LUZP2: variants seen among roughly 807,000 people sequenced by gnomAD.
LUZP2 encodes leucine zipper protein 2.
A neutral mutation model predicts 51.6 loss-of-function variants in LUZP2; 52 were observed. The ratio of observed to expected loss-of-function variants is 1.01; its 90% CI spans 0.81 to 1.27. The LOEUF is 1.27. LUZP2 is among the 50% of genes most tolerant of loss of function. LUZP2 has a pLI of 0.00. For synonymous variants in LUZP2, 154 were observed against 137.3 expected, an observed-to-expected ratio of 1.12 and a Z score of -0.85; for missense variants, 436 against 395.4, an observed-to-expected ratio of 1.10 and a Z score of -0.87.
intron 5 of LUZP2, among the ~76,000 whole-genome samples, chr11:24,868,388 T>C (rs1179131942): frequency 1.3e-5 from 2 of 152,142 alleles, no homozygotes; most frequent in East Asian, 3.9e-4. Flanking sequence ...TTGTCACCTC[T>C]CTAAAATAAT....
intron 7 of LUZP2, among the ~76,000 whole-genome samples, chr11:24,936,146 A>T (rs919250157): frequency 6.6e-6 from 1 of 152,216 alleles, no homozygotes; most frequent in Non-Finnish European, 1.5e-5. Context: ...GACACAGTTC[A>T]GAACAATTTT....
intron 5 of LUZP2, among the ~76,000 whole-genome samples, chr11:24,897,429 C>T (rs964523566): frequency 6.6e-6 from 1 of 152,156 alleles, no homozygotes; most frequent in Non-Finnish European, 1.5e-5. Context: ...CGAAGGTCCA[C>T]AGCTTAACTT....
At chr11:24,821,889 A>T (rs1029074916) in intron 5 of LUZP2, among the ~76,000 whole-genome samples, 2 of 150,198 alleles carry the variant, frequency 1.3e-5, no homozygotes, top group African/African-American at 4.9e-5. Context: ...ATATATATAT[A>T]TTTAAAAGCT....
chr11:24,920,622 G>A (rs1854017900), intron 7 of LUZP2, among the ~76,000 whole-genome samples: 1 of 151,846 alleles, frequency 6.6e-6, no homozygotes, highest in Non-Finnish European at 1.5e-5. Context: ...ATAAAATCAT[G>A]TCTTTTGCAG....
intron 8 of LUZP2, among the ~76,000 whole-genome samples, chr11:24,979,608 A>C (rs535729925): frequency 6.6e-6 from 1 of 152,010 alleles, no homozygotes. Flanking sequence ...GTATCTCAGT[A>C]TAAACAATAA....
chr11:24,875,362 T>C (rs1215476832), intron 5 of LUZP2, among the ~76,000 whole-genome samples: 25 of 149,718 alleles, frequency 1.7e-4, no homozygotes, highest in South Asian at 4.3e-4. Context: ...GTTTGGTTTT[T>C]TGTTCTTGCA....
intron 5 of LUZP2, among the ~76,000 whole-genome samples, chr11:24,856,947 G>A (rs1851585213): frequency 6.6e-6 from 1 of 151,952 alleles, no homozygotes; most frequent in South Asian, 2.1e-4. Flanking sequence ...GGGTGGGAGG[G>A]TGAGAAGGGG....
intron 4 of LUZP2, among the ~76,000 whole-genome samples, chr11:24,746,920 G>A (rs970703960): frequency 1.3e-5 from 2 of 151,970 alleles, no homozygotes; most frequent in Admixed American, 1.3e-4. Context: ...TTTTTCTTTG[G>A]CTATCTATTT....
chr11:25,078,667 A>C lies in LUZP2; in HGVS notation c.*9A>C. ...AAGAAAAAATACTGTAAATACTAAG[A>C]AACTGTGTTAAAAACGTCCATTTGC... On this transcript the variant is annotated 3_prime_UTR_variant, in exon 12 of 12. Coordinates refer to ENST00000336930, the MANE Select transcript of LUZP2 (RefSeq NM_001009909.4). The C allele has an allele frequency of 6.3e-7, 1 of 1,578,002 alleles. No homozygotes were observed. Among genetic ancestry groups the C allele is most frequent in the Non-Finnish European group, 8.6e-7 (1 of 1,157,274 alleles).
At chr11:24,858,757 T>C (rs1851644282) in intron 5 of LUZP2, among the ~76,000 whole-genome samples, 1 of 152,104 alleles carries the variant, frequency 6.6e-6, no homozygotes, top group Non-Finnish European at 1.5e-5. Flanking sequence ...GAGCTGGCAC[T>C]ATTTGAAGAA....
chr11:24,994,196 A>G (rs569084509), intron 9 of LUZP2, among the ~76,000 whole-genome samples: 4 of 120,602 alleles, frequency 3.3e-5, no homozygotes, highest in East Asian at 2.4e-4. Context: ...TGATATTGCT[A>G]TGTTTAATAA....
At chr11:24,912,880 A>G (rs537471402) in intron 6 of LUZP2, among the ~76,000 whole-genome samples, 2 of 152,282 alleles carry the variant, frequency 1.3e-5, no homozygotes, top group South Asian at 4.1e-4. Flanking sequence ...AGTGGAAAAC[A>G]TATACATGCA....
intron 1 of LUZP2, among the ~76,000 whole-genome samples, chr11:24,583,700 A>T (rs1012939538): frequency 8.8e-5 from 13 of 148,042 alleles, no homozygotes; most frequent in Non-Finnish European, 1.8e-4. Context: ...GTCGATGTAT[A>T]CCTTACTTTT....
chr11:25,032,191 C>T (rs1857710395), intron 9 of LUZP2, among the ~76,000 whole-genome samples: 1 of 152,120 alleles, frequency 6.6e-6, no homozygotes, highest in African/African-American at 2.4e-5. Flanking sequence ...TTCTGGGCCA[C>T]CTTGATTTTA....
intron 7 of LUZP2, among the ~76,000 whole-genome samples, chr11:24,918,110 G>T (rs1033856865): frequency 5.3e-5 from 8 of 152,024 alleles, no homozygotes; most frequent in African/African-American, 1.9e-4. Flanking sequence ...GTGAATGGGA[G>T]TTCACTCATG....
At chr11:24,724,132 AGT>A in intron 1 of LUZP2, among the ~76,000 whole-genome samples, 1 of 152,338 alleles carries the variant, frequency 6.6e-6, no homozygotes, top group East Asian at 1.9e-4. Flanking sequence ...CAATACTTCA[AGT>A]GTGTCCTTGG....
chr11:24,667,421 G>A (rs1206860990), intron 1 of LUZP2, among the ~76,000 whole-genome samples: 4 of 152,004 alleles, frequency 2.6e-5, no homozygotes, highest in African/African-American at 9.7e-5. Flanking sequence ...TCCTGACCTC[G>A]TGATCTGCCG....
intron 5 of LUZP2, among the ~76,000 whole-genome samples, chr11:24,804,677 C>T (rs1419261951): frequency 6.6e-6 from 1 of 152,122 alleles, no homozygotes; most frequent in Non-Finnish European, 1.5e-5. Flanking sequence ...AAATGAATCT[C>T]ATGACCTGTT....
At chr11:24,625,409 G>A in intron 1 of LUZP2, among the ~76,000 whole-genome samples, 1 of 151,640 alleles carries the variant, frequency 6.6e-6, no homozygotes, top group South Asian at 2.1e-4. Context: ...AAGCAGAGAA[G>A]AGAAATAAAG....
Sources: allele counts gnomAD v4.1 joint callset (sites outside exome capture counted in the v4.1 genomes callset), GRCh38; gene constraint gnomAD v4.1.1; transcripts MANE v1.5; gene names NCBI Gene and HGNC (gene_info 2026-07-23, HGNC 2026-07-21).